CTIF: variants seen among roughly 807,000 people sequenced by gnomAD.
CTIF encodes CBP80/20-dependent translation initiation factor.
CTIF carries 21 observed loss-of-function variants against 66.0 expected under a neutral mutation model. That is an observed-to-expected ratio of 0.32 (90% CI 0.23 to 0.46). The LOEUF (loss-of-function observed/expected upper bound fraction) is 0.46, where lower values mean the gene tolerates loss of function less well. Among genes scored for constraint, CTIF ranks in the 20% least tolerant of loss-of-function variants. CTIF has a pLI of 1.00. For synonymous variants in CTIF, 345 were observed against 326.4 expected, an observed-to-expected ratio of 1.06 and a Z score of -0.62; for missense variants, 739 against 812.7, an observed-to-expected ratio of 0.91 and a Z score of 1.10.
chr18:48,587,750 A>C (rs941362893), intron 1 of CTIF, among the ~76,000 whole-genome samples: 4 of 152,170 alleles, frequency 2.6e-5, no homozygotes, highest in Admixed American at 1.3e-4. Flanking sequence ...CCCCCAAAAG[A>C]TTATGACACC....
At chr18:48,567,251 G>A (rs1238252244) in intron 1 of CTIF, 2 of 152,192 alleles carry the variant, frequency 1.3e-5, no homozygotes, top group Admixed American at 1.3e-4. Context: ...GGATGTCCAG[G>A]GACAGAAGGA....
chr18:48,851,029 T>C (rs913713767), intron 10 of CTIF, among the ~76,000 whole-genome samples: 3 of 152,164 alleles, frequency 2.0e-5, no homozygotes, highest in Non-Finnish European at 2.9e-5. Context: ...TCTCGCACAA[T>C]GTGGTTTTTG....
chr18:48,860,161 C>G lies in CTIF; in HGVS notation c.*602C>G, dbSNP rs559944194. ...ACGCTCCACCTCCCACCTCCAAGTC[C>G]TCCTCACTGCAGCCCCCACAGCCTC... On this transcript the variant is annotated 3_prime_UTR_variant, in exon 12 of 12. Transcript: ENST00000256413. 6.1e-5 allele frequency: 22 copies of G among 359,464 alleles called. No homozygotes were observed. In the Admixed American group the frequency reaches 7.9e-4, roughly 13 times the overall value. 22.3% of individuals were successfully genotyped at this position (359,464 alleles called of 1,614,324 possible).
intron 7 of CTIF, among the ~76,000 whole-genome samples, chr18:48,726,444 A>T (rs9952724): frequency 2.0e-5 from 3 of 151,982 alleles, no homozygotes; most frequent in African/African-American, 7.3e-5. Context: ...TTGAGAGTGT[A>T]GTCAAACTGT....
intron 8 of CTIF, chr18:48,760,887 C>G (rs768469641): frequency 6.5e-6 from 1 of 154,952 alleles, no homozygotes; most frequent in African/African-American, 2.4e-5. Context: ...GCCCAGAGAA[C>G]AAGTCATCAT....
intron 1 of CTIF, among the ~76,000 whole-genome samples, chr18:48,545,896 A>G (rs1174315325): frequency 6.6e-6 from 1 of 151,682 alleles, no homozygotes; most frequent in Non-Finnish European, 1.5e-5. Context: ...GTCGTCAGGG[A>G]AGCCAGGCGG....
intron 6 of CTIF, among the ~76,000 whole-genome samples, chr18:48,679,554 T>A (rs2091703070): frequency 6.6e-6 from 1 of 152,184 alleles, no homozygotes; most frequent in South Asian, 2.1e-4. Flanking sequence ...AAAGGGTGAC[T>A]GTCTTCCTGC....
At chr18:48,622,400 G>A (rs1251073668) in intron 2 of CTIF, among the ~76,000 whole-genome samples, 1 of 152,040 alleles carries the variant, frequency 6.6e-6, no homozygotes, top group African/African-American at 2.4e-5. Flanking sequence ...GGAGAGGCCA[G>A]GAGGAGAGCG....
chr18:48,790,666 G>C (rs2067772952), intron 9 of CTIF, among the ~76,000 whole-genome samples: 1 of 152,238 alleles, frequency 6.6e-6, no homozygotes, highest in Admixed American at 6.5e-5. Flanking sequence ...CAGACGAAGG[G>C]AGGACGTGAC....
chr18:48,587,115 T>C (rs2089787430), intron 1 of CTIF, among the ~76,000 whole-genome samples: 1 of 149,890 alleles, frequency 6.7e-6, no homozygotes, highest in Non-Finnish European at 1.5e-5. Flanking sequence ...GGAGTCTTGC[T>C]CTGTTGCTCA....
chr18:48,646,469 A>G (rs1336769249), intron 3 of CTIF, among the ~76,000 whole-genome samples: 1 of 152,092 alleles, frequency 6.6e-6, no homozygotes, highest in African/African-American at 2.4e-5. Flanking sequence ...AGTGACGGCC[A>G]AGAGCGGTGG....
chr18:48,543,301 C>T (rs144018844), intron 1 of CTIF, among the ~76,000 whole-genome samples: 99 of 152,242 alleles, frequency 6.5e-4, no homozygotes, highest in African/African-American at 2.1e-3. Flanking sequence ...ATTCTCCACA[C>T]GTGGTGGCAT....
chr18:48,589,369 G>A (rs969010232), intron 1 of CTIF, among the ~76,000 whole-genome samples: 1 of 152,136 alleles, frequency 6.6e-6, no homozygotes, highest in Non-Finnish European at 1.5e-5. Context: ...TCCCCTGCCT[G>A]CCTCCATCTT....
chr18:48,606,398 C>T (rs143422971), intron 1 of CTIF, among the ~76,000 whole-genome samples: 25 of 152,290 alleles, frequency 1.6e-4, no homozygotes, highest in African/African-American at 6.0e-4. Context: ...TTCCAGGGTC[C>T]CCATATGGGA....
At chr18:48,578,269 A>G (rs2089579335) in intron 1 of CTIF, among the ~76,000 whole-genome samples, 1 of 152,130 alleles carries the variant, frequency 6.6e-6, no homozygotes, top group African/African-American at 2.4e-5. Context: ...GCTATTATGA[A>G]TAATGCTGCT....
intron 7 of CTIF, among the ~76,000 whole-genome samples, chr18:48,734,025 C>A (rs2092478047): frequency 6.6e-6 from 1 of 152,248 alleles, no homozygotes; most frequent in Admixed American, 6.5e-5. Context: ...ATCCACCCAG[C>A]AAAGCCAGTT....
intron 3 of CTIF, among the ~76,000 whole-genome samples, chr18:48,639,057 A>G (rs1247166751): frequency 1.3e-5 from 2 of 152,156 alleles, no homozygotes; most frequent in East Asian, 3.9e-4. Context: ...CCACTGAGGG[A>G]CACCCCCTGC....
At chr18:48,704,957 A>G (rs1266608954) in intron 6 of CTIF, among the ~76,000 whole-genome samples, 1 of 152,222 alleles carries the variant, frequency 6.6e-6, no homozygotes, top group Non-Finnish European at 1.5e-5. Flanking sequence ...CTGGGTAGAG[A>G]CAACAACTTT....
chr18:48,595,703 C>G (rs932932303), intron 1 of CTIF, among the ~76,000 whole-genome samples: 3 of 152,140 alleles, frequency 2.0e-5, no homozygotes, highest in African/African-American at 7.2e-5. Flanking sequence ...CTGTGCCCAG[C>G]CTTAAACTAC....
Sources: gnomAD v4.1 joint callset for allele counts (sites outside exome capture counted in the v4.1 genomes callset) on GRCh38, gnomAD v4.1.1 for gene constraint, MANE v1.5 for transcripts, NCBI Gene and HGNC (gene_info 2026-07-23, HGNC 2026-07-21) for gene names.